RUNDC3B: variants seen among roughly 807,000 people sequenced by gnomAD.
The protein encoded by RUNDC3B is RUN domain-containing protein 3B.
RUNDC3B carries 33 observed loss-of-function variants against 58.4 expected under a neutral mutation model. The ratio of observed to expected loss-of-function variants is 0.56; its 90% CI spans 0.43 to 0.75. The LOEUF is 0.75. Among genes scored for constraint, RUNDC3B ranks in the 30% least tolerant of loss-of-function variants. RUNDC3B has a pLI of 0.00. For synonymous variants in RUNDC3B, 193 were observed against 195.2 expected (o/e 0.99, Z 0.10); for missense variants, 501 against 535.7 (o/e 0.94, Z 0.64).
chr7:87,663,276 A>G (rs900978703), intron 2 of RUNDC3B, among the ~76,000 whole-genome samples: 3 of 152,046 alleles, frequency 2.0e-5, no homozygotes, highest in Non-Finnish European at 4.4e-5. Context: ...TGTAAATACA[A>G]GGTTCTTTTC....
intron 4 of RUNDC3B, among the ~76,000 whole-genome samples, chr7:87,731,756 C>T (rs1831590885): frequency 6.6e-6 from 1 of 152,144 alleles, no homozygotes; most frequent in African/African-American, 2.4e-5. Flanking sequence ...ATGGAGCACA[C>T]AGATTATATA....
chr7:87,739,506 GA>G (rs1350151118), intron 4 of RUNDC3B, among the ~76,000 whole-genome samples: 1 of 151,996 alleles, frequency 6.6e-6, no homozygotes, highest in Non-Finnish European at 1.5e-5. Flanking sequence ...TAGACCCATT[GA>G]AAGACTCACT....
At chr7:87,789,910 C>T (rs781647604) in intron 8 of RUNDC3B, among the ~76,000 whole-genome samples, 2 of 152,180 alleles carry the variant, frequency 1.3e-5, no homozygotes, top group African/African-American at 4.8e-5. Flanking sequence ...CCACCCTTGG[C>T]CCCTAGACAG....
intron 6 of RUNDC3B, among the ~76,000 whole-genome samples, chr7:87,757,057 G>A (rs940943068): frequency 3.8e-4 from 58 of 152,046 alleles, no homozygotes; most frequent in Non-Finnish European, 1.3e-4. Context: ...TTTATGAAGT[G>A]TATACTGAGT....
intron 4 of RUNDC3B, among the ~76,000 whole-genome samples, chr7:87,725,268 G>A (rs762190077): frequency 6.6e-6 from 1 of 152,250 alleles, no homozygotes; most frequent in East Asian, 1.9e-4. Flanking sequence ...AGGCCCCGGT[G>A]TGTGATGTTC....
intron 2 of RUNDC3B, among the ~76,000 whole-genome samples, chr7:87,685,940 C>T (rs935029975): frequency 5.3e-5 from 8 of 152,146 alleles, no homozygotes; most frequent in Admixed American, 3.9e-4. Context: ...GAAAGCTGGA[C>T]AATTTGTCAC....
intron 2 of RUNDC3B, among the ~76,000 whole-genome samples, chr7:87,651,776 A>G (rs1197025295): frequency 2.0e-5 from 3 of 152,144 alleles, no homozygotes; most frequent in Admixed American, 6.6e-5. Context: ...AGGTTTTAAT[A>G]TAAGTGTTTA....
At chr7:87,651,080 C>T (rs1273543943) in intron 2 of RUNDC3B, 143 bp downstream of exon 2, 14 of 579,342 alleles carry the variant, frequency 2.4e-5, no homozygotes, top group East Asian at 5.9e-5. Flanking sequence ...TGTGTGACTA[C>T]GAAAGAGCCT....
intron 4 of RUNDC3B, among the ~76,000 whole-genome samples, chr7:87,720,892 GTTTGGACATTTAGC>G (rs1830843751): frequency 2.1e-3 from 4 of 1,938 alleles, no homozygotes; most frequent in African/African-American, 7.9e-3. Flanking sequence ...GAGCCCTCGT[GTTTGGACATTTAGC>G]TAATTTTTAA....
rs574072782 is a variant in RUNDC3B at position 87,679,295 on chromosome 7, G to T, written c.239-21126G>T. ...TTTTTAGTAGAGACGGAGTTTCACA[G>T]TGTTAGCCAGGATGGTCTCCATCTC... On this transcript the variant is annotated intron_variant, in intron 2 of 10. Transcript: ENST00000394654. Among the ~76,000 whole-genome samples, 176 of 149,428 alleles carry T rather than the reference G, an allele frequency of 1.2e-3. 11 individuals carry two copies. The highest frequency in any genetic ancestry group is 4.0e-3 in the African/African-American group (161 of 40,114).
chr7:87,709,107 ACTTATC>A lies in RUNDC3B; in HGVS notation c.373-1457_373-1452del, dbSNP rs780086472. On this transcript the variant is annotated intron_variant, in intron 3 of 10. Transcript: ENST00000394654. ...AAAAGAAACCATTAAAATTAGCACA[ACTTATC>A]CTTATAATATAACAGGATTCCATAC... 1.6e-3 allele frequency: 400 copies of A among 257,596 alleles called. 1 individual carries two copies. Among genetic ancestry groups the A allele is most frequent in the Non-Finnish European group, 2.1e-3 (343 of 164,510 alleles). 16.0% of individuals were successfully genotyped at this position (257,596 alleles called of 1,614,324 possible).
rs764252849 is a variant in RUNDC3B at position 87,777,900 on chromosome 7, C to A, written c.901C>A (p.His301Asn). 23 of 1,613,462 alleles carry A rather than the reference C, an allele frequency of 1.4e-5. No individual in the cohort carries two copies. The East Asian group carries it at 5.1e-4, about 36-fold the overall frequency. ...AAGGATTGAAGATTCCGATCTGGCT[C>A]ATAAACTGGAGAAGGAACAATTAGA... ...LQRIEDSDLA[H>N]KLEKEQLEYI... Residue 301 changes from histidine (H) to asparagine (N), a missense_variant, in exon 8 of 11, where the codon CAT becomes AAT. Coordinates refer to ENST00000394654, the MANE Select transcript of RUNDC3B (RefSeq NM_001134405.2).
intron 4 of RUNDC3B, among the ~76,000 whole-genome samples, chr7:87,725,331 A>G (rs1172726956): frequency 6.6e-6 from 1 of 152,210 alleles, no homozygotes; most frequent in Non-Finnish European, 1.5e-5. Context: ...ATAAGTGAGA[A>G]CATGCGGTGT....
chr7:87,672,663 T>C (rs192624748), intron 2 of RUNDC3B, among the ~76,000 whole-genome samples: 159 of 152,280 alleles, frequency 1.0e-3, no homozygotes, highest in African/African-American at 3.7e-3. Context: ...CAAGACTCCA[T>C]GTAGCTCTGT....
intron 4 of RUNDC3B, among the ~76,000 whole-genome samples, chr7:87,730,790 C>T (rs1422623737): frequency 6.6e-6 from 1 of 152,028 alleles, no homozygotes; most frequent in Non-Finnish European, 1.5e-5. Context: ...GGATCTGACT[C>T]AGCACAGTCC....
At chr7:87,752,675 A>G (rs1054704064) in intron 6 of RUNDC3B, among the ~76,000 whole-genome samples, 9 of 152,184 alleles carry the variant, frequency 5.9e-5, no homozygotes, top group Non-Finnish European at 1.3e-4. Flanking sequence ...AGGTGTTTGT[A>G]GTATTCTCTG....
In RUNDC3B at chr7:87,662,510, G is replaced by A. The variant is rs138334444; in HGVS notation, c.238+11573G>A. On this transcript the variant is annotated intron_variant, in intron 2 of 10. Transcript: ENST00000394654. ...CCCAGCACCATTTATTGAAGAGACT[G>A]TCCTTTCCCCAATATACATTTTCAG... Among the ~76,000 whole-genome samples the A allele has an allele frequency of 5.2e-3, 794 of 152,122 alleles. 8 individuals are homozygous for A. The highest frequency in any genetic ancestry group is 0.018 in the African/African-American group (750 of 41,522).
intron 2 of RUNDC3B, among the ~76,000 whole-genome samples, chr7:87,671,616 G>A (rs1352984182): frequency 1.3e-5 from 2 of 152,086 alleles, no homozygotes; most frequent in Admixed American, 6.5e-5. Flanking sequence ...TCCCTGGGAG[G>A]TACAGGCCTG....
At chr7:87,675,694 A>T (rs1237791001) in intron 2 of RUNDC3B, among the ~76,000 whole-genome samples, 3 of 151,058 alleles carry the variant, frequency 2.0e-5, no homozygotes, top group Non-Finnish European at 4.4e-5. Context: ...GAAGGAAAGA[A>T]AGAAAACAAA....
Sources: allele counts gnomAD v4.1 joint callset (sites outside exome capture counted in the v4.1 genomes callset), GRCh38; gene constraint gnomAD v4.1.1; transcripts MANE v1.5; gene names NCBI Gene and HGNC (gene_info 2026-07-23, HGNC 2026-07-21).